PEAK1: variants seen among roughly 807,000 people sequenced by gnomAD.
PEAK1 encodes pseudopodium enriched atypical kinase 1.
PEAK1 carries 54 observed loss-of-function variants against 124.7 expected under a neutral mutation model. That is an observed-to-expected ratio of 0.43 (90% CI 0.35 to 0.54). PEAK1 has a LOEUF of 0.54. PEAK1 is among the 20% of genes least tolerant of loss of function. The pLI, the probability that PEAK1 is intolerant of heterozygous loss-of-function variation, is 0.01. For missense variants in PEAK1, 2,046 were observed against 2,134.5 expected, an observed-to-expected ratio of 0.96 and a Z score of 0.82; for synonymous variants, 719 against 760.0, an observed-to-expected ratio of 0.95 and a Z score of 0.89.
chr15:77,203,702 T>G (rs2058483407), intron 6 of PEAK1, among the ~76,000 whole-genome samples: 1 of 145,718 alleles, frequency 6.9e-6, no homozygotes, highest in African/African-American at 2.5e-5. Context: ...CTGAAACAAC[T>G]GGACATCCAA....
At chr15:77,257,999 G>A (rs2061250811) in intron 5 of PEAK1, among the ~76,000 whole-genome samples, 3 of 152,104 alleles carry the variant, frequency 2.0e-5, no homozygotes, top group Non-Finnish European at 4.4e-5. Flanking sequence ...TTTCCCCATT[G>A]CTTGTTTTTC....
At chr15:77,287,675 T>A (rs2062997559) in intron 2 of PEAK1, among the ~76,000 whole-genome samples, 1 of 152,114 alleles carries the variant, frequency 6.6e-6, no homozygotes, top group African/African-American at 2.4e-5. Flanking sequence ...AAACCCTGAA[T>A]CCTAACCTTT....
intron 2 of PEAK1, chr15:77,330,781 C>T (rs1400609333): frequency 6.5e-6 from 1 of 152,774 alleles, no homozygotes; most frequent in African/African-American, 2.4e-5. Flanking sequence ...CCTTATCACC[C>T]TACTCTGTTA....
chr15:77,250,219 AT>A (rs2060806456), intron 6 of PEAK1, among the ~76,000 whole-genome samples: 1 of 140,332 alleles, frequency 7.1e-6, no homozygotes, highest in Non-Finnish European at 1.5e-5. Flanking sequence ...ATGTATATAT[AT>A]ACACATATAT....
At chr15:77,287,750 G>A (rs1311335607) in intron 2 of PEAK1, among the ~76,000 whole-genome samples, 3 of 152,002 alleles carry the variant, frequency 2.0e-5, no homozygotes, top group Admixed American at 6.6e-5. Context: ...GGTACTATAG[G>A]CAAAAACTCA....
chr15:77,137,642 A>C (rs576310424), intron 8 of PEAK1, among the ~76,000 whole-genome samples: 5 of 152,182 alleles, frequency 3.3e-5, no homozygotes, highest in African/African-American at 9.7e-5. Context: ...CTGTACCTGC[A>C]TTGTATCTAG....
Position 77,158,522 on chromosome 15 carries a change from A to G in PEAK1, c.3312T>C (p.Ser1104=), listed in dbSNP as rs554912949. 8.1e-6 allele frequency: 13 copies of G among 1,614,160 alleles called. No homozygotes were observed. The South Asian group carries it at 1.3e-4, about 16-fold the overall frequency. ...ISDPMDPNPC[S]ATYSNLGQSR... ...ACTTACCTAAGTTGCTGTATGTTGC[A>G]CTACAAGGGTTCGGGTCCATAGGAT... The change falls in exon 8 of 10, where the codon AGT becomes AGC. Residue 1104 remains serine (S), a synonymous_variant. Coordinates refer to ENST00000682557, the MANE Select transcript of PEAK1 (RefSeq NM_001385026.1).
intron 1 of PEAK1, among the ~76,000 whole-genome samples, chr15:77,366,356 A>G (rs887683551): frequency 2.6e-5 from 4 of 152,218 alleles, no homozygotes; most frequent in Non-Finnish European, 5.9e-5. Context: ...TGTATTAGAC[A>G]TGTAACATGA....
intron 2 of PEAK1, chr15:77,346,429 TC>T (rs11361188): frequency 0.38 from 376,470 of 984,688 alleles, 72,804 homozygotes; most frequent in Non-Finnish European, 0.39. Flanking sequence ...ATGACAGTGA[TC>T]AGTCCCTTGG....
chr15:77,239,069 TA>T (rs1352200390), intron 6 of PEAK1, among the ~76,000 whole-genome samples: 1 of 152,182 alleles, frequency 6.6e-6, no homozygotes, highest in Non-Finnish European at 1.5e-5. Flanking sequence ...AGAGGAGGAT[TA>T]TTTTTAGGAA....
At chr15:77,208,235 G>A (rs1176245963) in intron 6 of PEAK1, among the ~76,000 whole-genome samples, 8 of 152,204 alleles carry the variant, frequency 5.3e-5, no homozygotes, top group South Asian at 2.1e-4. Context: ...TTAATAAAAT[G>A]GCGGATTGAA....
At chr15:77,301,785 G>A (rs2063800807) in intron 2 of PEAK1, among the ~76,000 whole-genome samples, 1 of 152,122 alleles carries the variant, frequency 6.6e-6, no homozygotes, top group South Asian at 2.1e-4. Context: ...GGAGTGGAGA[G>A]TTTTGCCTCA....
At chr15:77,392,516 G>A (rs1042016430) in intron 1 of PEAK1, among the ~76,000 whole-genome samples, 1 of 152,116 alleles carries the variant, frequency 6.6e-6, no homozygotes, top group Non-Finnish European at 1.5e-5. Context: ...TTCAACTCAT[G>A]GCCCAAAGAT....
intron 6 of PEAK1, among the ~76,000 whole-genome samples, chr15:77,217,929 CA>C (rs1471036959): frequency 6.6e-6 from 1 of 152,014 alleles, no homozygotes; most frequent in Admixed American, 6.6e-5. Flanking sequence ...ATGTGTATTG[CA>C]AATATATAGA....
intron 8 of PEAK1, among the ~76,000 whole-genome samples, chr15:77,144,384 C>A (rs1432385124): frequency 6.6e-6 from 1 of 152,244 alleles, no homozygotes; most frequent in Admixed American, 6.5e-5. Flanking sequence ...TACTCCTCCA[C>A]CTCAAACTGG....
intron 1 of PEAK1, among the ~76,000 whole-genome samples, chr15:77,407,618 C>T (rs113724867): frequency 5.9e-5 from 9 of 152,024 alleles, no homozygotes; most frequent in African/African-American, 1.7e-4. Context: ...GATATTGGCA[C>T]GGATGTGGTG....
chr15:77,232,063 T>C (rs2059930349), intron 6 of PEAK1, among the ~76,000 whole-genome samples: 1 of 152,216 alleles, frequency 6.6e-6, no homozygotes, highest in African/African-American at 2.4e-5. Context: ...TCACCTGAGA[T>C]GTTTGCTTAA....
intron 5 of PEAK1, among the ~76,000 whole-genome samples, chr15:77,253,250 G>C (rs149634475): frequency 2.0e-5 from 3 of 149,860 alleles, no homozygotes; most frequent in Non-Finnish European, 3.0e-5. Flanking sequence ...TGCGTTGGGG[G>C]GGGGGTGGTC....
intron 2 of PEAK1, among the ~76,000 whole-genome samples, chr15:77,311,604 C>T (rs541943824): frequency 9.0e-5 from 13 of 144,254 alleles, no homozygotes; most frequent in East Asian, 2.1e-4. Flanking sequence ...ACCCAAGAAG[C>T]GGAGGTTGCA....
Sources: gnomAD v4.1 joint callset for allele counts (sites outside exome capture counted in the v4.1 genomes callset) on GRCh38, gnomAD v4.1.1 for gene constraint, MANE v1.5 for transcripts, NCBI Gene and HGNC (gene_info 2026-07-23, HGNC 2026-07-21) for gene names.